LRRC4C: variants seen among roughly 807,000 people sequenced by gnomAD.
LRRC4C encodes the protein leucine rich repeat containing 4C.
LRRC4C carries 5 observed loss-of-function variants against 33.6 expected under a neutral mutation model. The observed-to-expected ratio is 0.15, with a 90% CI of 0.08 to 0.31. LRRC4C has a LOEUF of 0.31. Ranked by LOEUF, LRRC4C falls within the 10% of genes least tolerant of loss-of-function variation. LRRC4C has a pLI of 1.00. For synonymous variants in LRRC4C, 329 were observed against 302.0 expected (o/e 1.09, Z -0.93); for missense variants, 560 against 796.7 (o/e 0.70, Z 3.58).
intron 3 of LRRC4C, among the ~76,000 whole-genome samples, chr11:40,591,198 C>T (rs1959038519): frequency 6.6e-6 from 1 of 152,258 alleles, no homozygotes; most frequent in South Asian, 2.1e-4. Context: ...TTTTTTAAGC[C>T]CGTCGGAAAA....
intron 4 of LRRC4C, among the ~76,000 whole-genome samples, chr11:40,312,045 T>C (rs1018625513): frequency 4.6e-5 from 7 of 152,076 alleles, no homozygotes; most frequent in African/African-American, 1.4e-4. Context: ...ATTTCACTTA[T>C]GTCTTGTTAT....
chr11:40,521,549 T>C (rs762679246), intron 3 of LRRC4C, among the ~76,000 whole-genome samples: 5 of 152,140 alleles, frequency 3.3e-5, no homozygotes, highest in Non-Finnish European at 5.9e-5. Flanking sequence ...CAATGACATA[T>C]GGTCATTAGC....
At chr11:40,755,317 C>A (rs1948894239) in intron 2 of LRRC4C, among the ~76,000 whole-genome samples, 1 of 151,990 alleles carries the variant, frequency 6.6e-6, no homozygotes, top group Non-Finnish European at 1.5e-5. Flanking sequence ...GAAGAGAGTA[C>A]TAGAGAGACA....
chr11:40,612,946 A>G (rs1961383110), intron 3 of LRRC4C, among the ~76,000 whole-genome samples: 1 of 151,960 alleles, frequency 6.6e-6, no homozygotes, highest in African/African-American at 2.4e-5. Flanking sequence ...GTCCACTGAC[A>G]TTATGCATTA....
At chr11:40,167,099 A>G (rs1168463888) in intron 5 of LRRC4C, among the ~76,000 whole-genome samples, 1 of 152,122 alleles carries the variant, frequency 6.6e-6, no homozygotes, top group Non-Finnish European at 1.5e-5. Flanking sequence ...AGTAATCCTG[A>G]CCGTTGGCCT....
intron 2 of LRRC4C, among the ~76,000 whole-genome samples, chr11:40,713,925 C>A (rs373459088): frequency 2.6e-5 from 4 of 152,148 alleles, no homozygotes; most frequent in East Asian, 1.9e-4. Context: ...ATCTGTGTAA[C>A]CAATGGGATA....
chr11:40,166,568 A>AT (rs987336403), intron 5 of LRRC4C, among the ~76,000 whole-genome samples: 2 of 152,106 alleles, frequency 1.3e-5, no homozygotes, highest in African/African-American at 2.4e-5. Flanking sequence ...GATATGTGTG[A>AT]TTTTTTATTA....
intron 3 of LRRC4C, among the ~76,000 whole-genome samples, chr11:40,633,349 CTT>C (rs1435408825): frequency 5.9e-5 from 5 of 84,850 alleles, no homozygotes; most frequent in African/African-American, 1.2e-4. Context: ...TTCTTTCTTT[CTT>C]TCTTTCTTTC....
chr11:41,084,843 T>C (rs974741851), intron 1 of LRRC4C, among the ~76,000 whole-genome samples: 16 of 152,156 alleles, frequency 1.1e-4, no homozygotes, highest in African/African-American at 3.6e-4. Flanking sequence ...AGTGAGACTC[T>C]GTCTAAAACA....
intron 4 of LRRC4C, among the ~76,000 whole-genome samples, chr11:40,294,653 C>G (rs1290150389): frequency 6.6e-6 from 1 of 151,908 alleles, no homozygotes; most frequent in African/African-American, 2.4e-5. Context: ...ATTGTGAAAC[C>G]CCGTCCCTAC....
chr11:40,649,733 A>G (rs1406419637), intron 2 of LRRC4C, among the ~76,000 whole-genome samples: 1 of 152,212 alleles, frequency 6.6e-6, no homozygotes, highest in Non-Finnish European at 1.5e-5. Context: ...TTCACAATTT[A>G]TGTTCAGAGA....
intron 1 of LRRC4C, among the ~76,000 whole-genome samples, chr11:41,347,309 A>G (rs926063584): frequency 1.4e-4 from 21 of 152,140 alleles, no homozygotes; most frequent in African/African-American, 4.8e-4. Flanking sequence ...TTACTGAACT[A>G]TAGTGTTCAT....
intron 1 of LRRC4C, among the ~76,000 whole-genome samples, chr11:40,963,713 C>A (rs1364710025): frequency 6.6e-6 from 1 of 151,744 alleles, no homozygotes; most frequent in Non-Finnish European, 1.5e-5. Context: ...AGGAATCAAT[C>A]AAATCAAATA....
chr11:41,069,884 A>G (rs1367812343), intron 1 of LRRC4C, among the ~76,000 whole-genome samples: 1 of 152,200 alleles, frequency 6.6e-6, no homozygotes, highest in Non-Finnish European at 1.5e-5. Flanking sequence ...TTAAACTACC[A>G]TTGACATTCT....
chr11:41,440,615 G>T (rs533424933), intron 1 of LRRC4C, among the ~76,000 whole-genome samples: 5 of 152,074 alleles, frequency 3.3e-5, no homozygotes, highest in African/African-American at 9.6e-5. Flanking sequence ...GGACTGATAT[G>T]GTTTGGTTCT....
At chr11:40,685,449 A>G (rs1326354273) in intron 2 of LRRC4C, among the ~76,000 whole-genome samples, 2 of 152,096 alleles carry the variant, frequency 1.3e-5, no homozygotes, top group East Asian at 3.9e-4. Flanking sequence ...AATTATAAAC[A>G]AGATTTAAGG....
At chr11:41,151,205 C>T (rs1306112414) in intron 1 of LRRC4C, among the ~76,000 whole-genome samples, 2 of 152,186 alleles carry the variant, frequency 1.3e-5, no homozygotes, top group Non-Finnish European at 2.9e-5. Context: ...CCAGCTCTCC[C>T]ATTAAGAAAC....
At chr11:41,333,759 C>G (rs1463645896) in intron 1 of LRRC4C, among the ~76,000 whole-genome samples, 1 of 152,096 alleles carries the variant, frequency 6.6e-6, no homozygotes, top group Non-Finnish European at 1.5e-5. Flanking sequence ...ATTTTGCAGC[C>G]TGAAAATTTA....
intron 2 of LRRC4C, among the ~76,000 whole-genome samples, chr11:40,783,761 T>C (rs1164290605): frequency 6.6e-6 from 1 of 152,218 alleles, no homozygotes; most frequent in Non-Finnish European, 1.5e-5. Context: ...GATTTAAGTA[T>C]GGAGAACATA....
Sources: allele counts gnomAD v4.1 joint callset (sites outside exome capture counted in the v4.1 genomes callset), GRCh38; gene constraint gnomAD v4.1.1; transcripts MANE v1.5; gene names NCBI Gene and HGNC (gene_info 2026-07-23, HGNC 2026-07-21).